Variants in TNPO1 observed in about 807,000 individuals in gnomAD.
TNPO1 encodes transportin-1.
A neutral mutation model predicts 119.5 loss-of-function variants in TNPO1; 8 were observed. The observed-to-expected ratio is 0.07, with a 90% CI of 0.04 to 0.12. The LOEUF (loss-of-function observed/expected upper bound fraction) is 0.12, where lower values mean the gene tolerates loss of function less well. Ranked by LOEUF, TNPO1 falls within the 10% of genes least tolerant of loss-of-function variation. The pLI, the probability that TNPO1 is intolerant of heterozygous loss-of-function variation, is 1.00. For missense variants in TNPO1, 576 were observed against 1,089.8 expected, an observed-to-expected ratio of 0.53 and a Z score of 6.64; for synonymous variants, 362 against 363.0, an observed-to-expected ratio of 1.00 and a Z score of 0.03.
Position 72,888,001 on chromosome 5 carries a change from A to G in TNPO1, c.1304-77A>G, listed in dbSNP as rs184829261. ...AAATATTCTGAATTTTTTCATAGAT[A>G]CGTGTTTTATTTTCATAATCAACCA... On this transcript the variant is annotated intron_variant, in intron 12 of 24. Coordinates refer to ENST00000337273, the MANE Select transcript of TNPO1 (RefSeq NM_002270.4). 8.2e-5 allele frequency: 108 copies of G among 1,322,418 alleles called. No individual in the cohort carries two copies. The African/African-American group carries it at 1.3e-3, about 15-fold the overall frequency. 81.9% of individuals were successfully genotyped at this position (1,322,418 alleles called of 1,614,324 possible).
chr5:72,866,732 C>T (rs954923664), intron 6 of TNPO1, among the ~76,000 whole-genome samples: 6 of 151,814 alleles, frequency 4.0e-5, no homozygotes, highest in South Asian at 2.1e-4. Flanking sequence ...CCAGCCTGGG[C>T]GACAGAATGA....
At chr5:72,848,335 C>G (rs759275876) in intron 1 of TNPO1, 50 bp from the exon 2 acceptor site, 3 of 1,558,084 alleles carry the variant, frequency 1.9e-6, no homozygotes, top group South Asian at 1.2e-5. Context: ...GGCCTGTGCA[C>G]CGGGAGTAAC....
At chr5:72,841,467 T>G (rs1434148205) in intron 1 of TNPO1, among the ~76,000 whole-genome samples, 1 of 151,018 alleles carries the variant, frequency 6.6e-6, no homozygotes, top group Non-Finnish European at 1.5e-5. Context: ...TTCTCATGCC[T>G]CAGCCTCCTA....
chr5:72,842,131 G>T (rs1461769167), intron 1 of TNPO1, among the ~76,000 whole-genome samples: 1 of 152,006 alleles, frequency 6.6e-6, no homozygotes, highest in Non-Finnish European at 1.5e-5. Context: ...CATACTACTG[G>T]TTTTTTAGAT....
At position 72,851,266 on chromosome 5, in the gene TNPO1, A is replaced by T. The variant is rs1745528446; in HGVS notation, c.152A>T (p.Tyr51Phe). Residue 51 changes from tyrosine (Y) to phenylalanine (F), a missense_variant, in exon 3 of 25, where the codon TAT becomes TTT. This residue lies in a region of TNPO1 where 57 missense variants were observed against 59.5 expected (regional missense o/e 0.96). Coordinates refer to ENST00000337273, the MANE Select transcript of TNPO1 (RefSeq NM_002270.4). ...TAGAAACTGGAACAACTTAATCAGT[A>T]TCCAGACTTTAACAACTACTTGATT... Reference protein sequence around the residue: ...VQQKLEQLNQYPDFNNYLIFV... With the variant: ...VQQKLEQLNQFPDFNNYLIFV... 2 of 1,602,182 alleles carry T rather than the reference A, an allele frequency of 1.2e-6. No homozygotes were observed. Among genetic ancestry groups the T allele is most frequent in the Non-Finnish European group, 1.7e-6 (2 of 1,171,542 alleles).
chr5:72,870,250 T>C (rs1242458530), intron 6 of TNPO1, among the ~76,000 whole-genome samples: 1 of 132,400 alleles, frequency 7.6e-6, no homozygotes, highest in Non-Finnish European at 1.6e-5. Flanking sequence ...AACCTCCACC[T>C]CCCAGGTTCA....
chr5:72,844,266 A>C (rs925393540), intron 1 of TNPO1, among the ~76,000 whole-genome samples: 5 of 152,236 alleles, frequency 3.3e-5, no homozygotes, highest in Non-Finnish European at 7.3e-5. Context: ...ATCTTGGAAT[A>C]ATGACACAGA....
chr5:72,870,490 C>G lies in TNPO1; in HGVS notation c.597-2149C>G, dbSNP rs987409891. 4.6e-5 allele frequency among the ~76,000 whole-genome samples: 7 copies of G among 152,062 alleles called. No homozygotes were observed. The South Asian group carries it at 6.2e-4, about 14-fold the overall frequency. On this transcript the variant is annotated intron_variant, in intron 6 of 24. Transcript: ENST00000337273. ...TGCTTGTTTTTAATGAAGTTTTCTA[C>G]TTTTCTTTTTAGAGGCCTTGAACAT... is the stretch of plus-strand genomic sequence containing the variant.
chr5:72,872,323 G>T (rs1747461894), intron 6 of TNPO1, among the ~76,000 whole-genome samples: 1 of 151,916 alleles, frequency 6.6e-6, no homozygotes, highest in Non-Finnish European at 1.5e-5. Context: ...TTTTAAATCT[G>T]TAGGCATCTA....
At chr5:72,880,055 C>T (rs1748115685) in intron 9 of TNPO1, among the ~76,000 whole-genome samples, 1 of 152,064 alleles carries the variant, frequency 6.6e-6, no homozygotes, top group East Asian at 1.9e-4. Flanking sequence ...GGCGTGGCAG[C>T]ACATGCCTGT....
chr5:72,902,519 T>G lies in TNPO1; in HGVS notation c.2515-1190T>G, dbSNP rs181900917. On this transcript the variant is annotated intron_variant, in intron 22 of 24. Transcript: ENST00000337273. ...TGACATTTTCTGGGTTTTTGTTTTT[T>G]TTTTTAATACTTAAGAACTTTGTGT... is the stretch of plus-strand genomic sequence containing the variant. Among the ~76,000 whole-genome samples the G allele has an allele frequency of 6.3e-3, 960 of 152,144 alleles. 11 individuals are homozygous for G. The highest frequency in any genetic ancestry group is 0.027 in the Middle Eastern group (8 of 294).
chr5:72,887,120 G>A lies in TNPO1; in HGVS notation c.1201G>A (p.Glu401Lys). The A allele has an allele frequency of 6.2e-7, 1 of 1,613,884 alleles. No homozygotes were observed. The highest frequency in any genetic ancestry group is 8.5e-7 in the Non-Finnish European group (1 of 1,179,880). Residue 401 changes from glutamate to lysine, a missense_variant, in exon 12 of 25, where the codon GAA becomes AAA. This residue lies in a region of TNPO1 where 310 missense variants were observed against 583.0 expected (regional missense o/e 0.53). Transcript: ENST00000337273. ...LDVLANVYRD[E>K]LLPHILPLLK... ...TGTTCTTGCAAATGTGTATCGTGAT[G>A]AACTGCTGCCACATATTTTGCCCCT...
In TNPO1 at chr5:72,860,787, G is replaced by A. The variant is rs530261123; in HGVS notation, c.356-1021G>A. On this transcript the variant is annotated intron_variant, in intron 4 of 24. Coordinates refer to ENST00000337273, the MANE Select transcript of TNPO1 (RefSeq NM_002270.4). Reference sequence around the variant, plus strand: ...CTCTGGTTCCAGATTAAGTCAGGGAGCTATTTTTAGCTTCTTAATGTGTCT... The same window carrying A: ...CTCTGGTTCCAGATTAAGTCAGGGAACTATTTTTAGCTTCTTAATGTGTCT... 8.5e-5 allele frequency among the ~76,000 whole-genome samples: 13 copies of A among 152,312 alleles called. No homozygotes were observed. In the South Asian group the frequency reaches 2.7e-3, roughly 32 times the overall value.
intron 24 of TNPO1, 79 bp downstream of exon 24, chr5:72,905,524 T>C (rs1319248472): frequency 9.5e-6 from 6 of 628,332 alleles, no homozygotes; most frequent in East Asian, 5.4e-5. Context: ...CTAAATAGAA[T>C]AAAAAGCTAT....
At chr5:72,889,417 TAAGG>T (rs1402680142) in intron 13 of TNPO1, among the ~76,000 whole-genome samples, 1 of 152,098 alleles carries the variant, frequency 6.6e-6, no homozygotes, top group Non-Finnish European at 1.5e-5. Context: ...TGGAAGATAT[TAAGG>T]GAGGGAGGAT....
chr5:72,862,942 C>T (rs533253814), intron 5 of TNPO1, among the ~76,000 whole-genome samples: 6 of 151,454 alleles, frequency 4.0e-5, no homozygotes, highest in Admixed American at 2.0e-4. Context: ...GCCACTGCGC[C>T]GGACCATTGT....
At chr5:72,882,059 A>C (rs2059215736) in intron 9 of TNPO1, among the ~76,000 whole-genome samples, 1 of 152,204 alleles carries the variant, frequency 6.6e-6, no homozygotes, top group Non-Finnish European at 1.5e-5. Flanking sequence ...AAAGATCATC[A>C]GTGATTAACT....
At chr5:72,906,443 C>T (rs1373816791) in intron 24 of TNPO1, among the ~76,000 whole-genome samples, 1 of 151,804 alleles carries the variant, frequency 6.6e-6, no homozygotes, top group East Asian at 1.9e-4. Flanking sequence ...AGGCACATGC[C>T]ACCATGCCTG....
chr5:72,883,637 A>C (rs1165919840), intron 11 of TNPO1, among the ~76,000 whole-genome samples: 4 of 152,206 alleles, frequency 2.6e-5, no homozygotes, highest in Admixed American at 2.6e-4. Context: ...CATATTCTCC[A>C]TTCATTGGTT....
Sources: allele counts gnomAD v4.1 joint callset (sites outside exome capture counted in the v4.1 genomes callset), GRCh38; gene constraint gnomAD v4.1.1; regional missense constraint gnomAD v4.1.1; transcripts MANE v1.5; gene names NCBI Gene and HGNC (gene_info 2026-07-23, HGNC 2026-07-21).